PPP3CA: variants seen among roughly 807,000 people sequenced by gnomAD.
PPP3CA encodes CAM-PRP catalytic subunit.
A neutral mutation model predicts 66.5 loss-of-function variants in PPP3CA; 14 were observed. The observed-to-expected ratio is 0.21, with a 90% CI of 0.14 to 0.33. The LOEUF is 0.33. PPP3CA is among the 10% of genes least tolerant of loss of function. The pLI, the probability that PPP3CA is intolerant of heterozygous loss-of-function variation, is 1.00. For missense variants in PPP3CA, 317 were observed against 639.5 expected (o/e 0.50, Z 5.44); for synonymous variants, 232 against 226.2 (o/e 1.03, Z -0.23).
At chr4:101,163,539 T>C (rs1488658359) in intron 2 of PPP3CA, among the ~76,000 whole-genome samples, 3 of 152,162 alleles carry the variant, frequency 2.0e-5, no homozygotes, top group African/African-American at 2.4e-5. Context: ...TCTCTCATCC[T>C]TTCTTATTCC....
At chr4:101,114,596 T>C (rs1311262554) in intron 2 of PPP3CA, among the ~76,000 whole-genome samples, 1 of 152,128 alleles carries the variant, frequency 6.6e-6, no homozygotes, top group African/African-American at 2.4e-5. Context: ...GTTTATACAC[T>C]ATCACTTATC....
Position 101,212,559 on chromosome 4 carries a change from T to C in PPP3CA, c.59-16443A>G, listed in dbSNP as rs185756437. Among the ~76,000 whole-genome samples the C allele has an allele frequency of 2.0e-5, 3 of 152,058 alleles. No individual in the cohort carries two copies. The East Asian group carries it at 5.8e-4, about 29-fold the overall frequency. ...GGATGATCTGTGCAGCAAACCACCA[T>C]GGCACACGTTTACCTACGTAACAAA... On this transcript the variant is annotated intron_variant, in intron 1 of 13. Coordinates refer to ENST00000394854, the MANE Select transcript of PPP3CA (RefSeq NM_000944.5).
At chr4:101,172,081 T>C (rs1026093717) in intron 2 of PPP3CA, among the ~76,000 whole-genome samples, 1 of 152,022 alleles carries the variant, frequency 6.6e-6, no homozygotes, top group Admixed American at 6.6e-5. Context: ...TGGAGAGCAG[T>C]GGGAGAAAGG....
chr4:101,103,104 G>A (rs1730520818), intron 3 of PPP3CA, among the ~76,000 whole-genome samples: 1 of 151,958 alleles, frequency 6.6e-6, no homozygotes. Flanking sequence ...AATTTTCTTC[G>A]TTAATTGGTT....
chr4:101,051,723 C>A (rs947434913), intron 10 of PPP3CA, among the ~76,000 whole-genome samples: 4 of 152,022 alleles, frequency 2.6e-5, no homozygotes, highest in Admixed American at 2.0e-4. Flanking sequence ...GTTTACTTCC[C>A]TTATGCAACA....
chr4:101,092,490 G>C (rs1361436476), intron 6 of PPP3CA, among the ~76,000 whole-genome samples: 1 of 151,512 alleles, frequency 6.6e-6, no homozygotes, highest in African/African-American at 2.4e-5. Context: ...AGAATGTGCA[G>C]GTTTGTTACA....
chr4:101,037,939 T>C (rs549747931), intron 11 of PPP3CA, among the ~76,000 whole-genome samples: 3 of 152,364 alleles, frequency 2.0e-5, no homozygotes, highest in East Asian at 1.9e-4. Context: ...CTAGACTACA[T>C]AGCACAGTTT....
chr4:101,048,316 T>C (rs1055488221), intron 10 of PPP3CA, among the ~76,000 whole-genome samples: 1 of 152,070 alleles, frequency 6.6e-6, no homozygotes, highest in Admixed American at 6.6e-5. Context: ...AAATGTCTTA[T>C]GGTAATCGCG....
chr4:101,101,801 G>C (rs1730454419), intron 3 of PPP3CA, among the ~76,000 whole-genome samples: 1 of 151,922 alleles, frequency 6.6e-6, no homozygotes, highest in East Asian at 1.9e-4. Context: ...ATATTCTTTT[G>C]GAAATGTCAT....
intron 10 of PPP3CA, among the ~76,000 whole-genome samples, chr4:101,054,220 C>T (rs936546466): frequency 6.6e-6 from 1 of 151,834 alleles, no homozygotes; most frequent in Non-Finnish European, 1.5e-5. Flanking sequence ...ATATAGGATG[C>T]TAAAATGAGT....
intron 1 of PPP3CA, among the ~76,000 whole-genome samples, chr4:101,251,128 G>C (rs1726663092): frequency 6.6e-6 from 1 of 151,892 alleles, no homozygotes; most frequent in South Asian, 2.1e-4. Flanking sequence ...AGAAGAAATA[G>C]CAATGATATT....
chr4:101,083,372 T>TA, intron 6 of PPP3CA, 109 bp from the exon 7 acceptor site: 1 of 967,508 alleles, frequency 1.0e-6, no homozygotes, highest in Non-Finnish European at 1.6e-6. Context: ...TAATCAAACA[T>TA]ACATCATTCA....
intron 8 of PPP3CA, among the ~76,000 whole-genome samples, chr4:101,072,830 G>A (rs777938137): frequency 2.6e-4 from 39 of 151,316 alleles, no homozygotes; most frequent in Non-Finnish European, 4.6e-4. Context: ...CAGCTACTCC[G>A]GAGGCTGAGG....
chr4:101,226,102 T>C (rs927455132), intron 1 of PPP3CA, among the ~76,000 whole-genome samples: 3 of 151,768 alleles, frequency 2.0e-5, no homozygotes, highest in Non-Finnish European at 2.9e-5. Flanking sequence ...CTTATAGATA[T>C]AGGCCCTAGT....
chr4:101,104,072 G>A (rs1294634185), intron 3 of PPP3CA, among the ~76,000 whole-genome samples: 3 of 152,118 alleles, frequency 2.0e-5, no homozygotes, highest in East Asian at 1.9e-4. Context: ...TCTGTGTACT[G>A]CCCAGAGCAC....
chr4:101,346,973 C>CCCTCCTCCGCCGCCGCCGCCTTCACT lies in PPP3CA; in HGVS notation c.-203_-178dup. On this transcript the variant is annotated 5_prime_UTR_variant, in exon 1 of 14. Transcript: ENST00000394854. ...TAAAGTTGCTGCCTTTTCCGCGCGT[C>CCCTCCTCCGCCGCCGCCGCCTTCACT]CCTCCTCCGCCGCCGCCGCCTTCAC... The CCCTCCTCCGCCGCCGCCGCCTTCACT allele has an allele frequency of 6.0e-6, 4 of 672,218 alleles. No homozygotes were observed. The highest frequency in any genetic ancestry group is 1.0e-5 in the Non-Finnish European group (4 of 401,768). The allele number at this position is 672,218 out of a possible 1,614,324, so 41.6% of individuals were successfully genotyped here. A position where few individuals can be genotyped will look rare whatever the true frequency, so the allele number is the denominator to read the frequency against.
At chr4:101,107,967 C>T (rs1721492011) in intron 3 of PPP3CA, 1 of 152,212 alleles carries the variant, frequency 6.6e-6, no homozygotes, top group African/African-American at 2.4e-5. Flanking sequence ...TTTCAAACCA[C>T]TTCTTTCAAT....
At chr4:101,226,248 A>C (rs1346430980) in intron 1 of PPP3CA, among the ~76,000 whole-genome samples, 1 of 151,694 alleles carries the variant, frequency 6.6e-6, no homozygotes, top group Non-Finnish European at 1.5e-5. Context: ...AGACATGCAC[A>C]CATACAGGTA....
chr4:101,029,475 C>G (rs1305058923), intron 12 of PPP3CA, among the ~76,000 whole-genome samples: 1 of 151,572 alleles, frequency 6.6e-6, no homozygotes, highest in African/African-American at 2.4e-5. Flanking sequence ...AACAAACAAC[C>G]CTTTAGGAAA....
Sources: allele counts gnomAD v4.1 joint callset (sites outside exome capture counted in the v4.1 genomes callset), GRCh38; gene constraint gnomAD v4.1.1; transcripts MANE v1.5; gene names NCBI Gene and HGNC (gene_info 2026-07-23, HGNC 2026-07-21).